Variants in TSPAN18 observed in about 807,000 individuals in gnomAD.
TSPAN18 encodes tetraspanin 18, also known as tetraspanin-18.
A neutral mutation model predicts 27.3 loss-of-function variants in TSPAN18; 14 were observed. The observed-to-expected ratio is 0.51, with a 90% CI of 0.34 to 0.80. The LOEUF is 0.80. Ranked by LOEUF, TSPAN18 falls within the 30% of genes least tolerant of loss-of-function variation. The pLI is 0.01. For missense variants in TSPAN18, 268 were observed against 323.9 expected, an observed-to-expected ratio of 0.83 and a Z score of 1.32; for synonymous variants, 143 against 136.5, an observed-to-expected ratio of 1.05 and a Z score of -0.33.
intron 2 of TSPAN18, among the ~76,000 whole-genome samples, chr11:44,784,802 A>C (rs528106604): frequency 1.3e-5 from 2 of 152,326 alleles, no homozygotes; most frequent in East Asian, 3.9e-4. Flanking sequence ...CCAATTGGGA[A>C]ATCAAGGCTC....
chr11:44,743,610 C>T (rs949736877), intron 1 of TSPAN18, among the ~76,000 whole-genome samples: 9 of 152,174 alleles, frequency 5.9e-5, no homozygotes, highest in Admixed American at 2.0e-4. Flanking sequence ...ATGTGTGCTC[C>T]GAGCTAGGAA....
chr11:44,784,461 T>C (rs570174405), intron 2 of TSPAN18, among the ~76,000 whole-genome samples: 2 of 152,310 alleles, frequency 1.3e-5, no homozygotes, highest in Admixed American at 1.3e-4. Flanking sequence ...ATGTTGAGAA[T>C]GTATTCAGGC....
chr11:44,879,210 A>G (rs1189931722), intron 3 of TSPAN18, among the ~76,000 whole-genome samples: 1 of 152,132 alleles, frequency 6.6e-6, no homozygotes, highest in Non-Finnish European at 1.5e-5. Flanking sequence ...TTAAATCAGA[A>G]ATGTGTGAAA....
chr11:44,897,652 G>A, intron 3 of TSPAN18: 2 of 660,592 alleles, frequency 3.0e-6, no homozygotes, highest in South Asian at 3.2e-5. Flanking sequence ...TGCCCCGAGT[G>A]TGTGTATCTG....
chr11:44,816,072 C>T (rs1453049246), intron 2 of TSPAN18, among the ~76,000 whole-genome samples: 4 of 146,852 alleles, frequency 2.7e-5, no homozygotes, highest in Non-Finnish European at 6.1e-5. Flanking sequence ...AGTTTATTGC[C>T]CACTCTGGGC....
At chr11:44,863,307 G>A (rs557944158) in intron 3 of TSPAN18, among the ~76,000 whole-genome samples, 1 of 152,238 alleles carries the variant, frequency 6.6e-6, no homozygotes, top group Admixed American at 6.5e-5. Flanking sequence ...TGCCAGGCAG[G>A]AAGCCAGATG....
chr11:44,736,151 A>G (rs975578795), intron 1 of TSPAN18: 2 of 152,194 alleles, frequency 1.3e-5, no homozygotes, highest in South Asian at 2.1e-4. Flanking sequence ...TCCTCTTACT[A>G]TTACAGTAGG....
At chr11:44,894,971 C>T (rs756402005) in intron 3 of TSPAN18, among the ~76,000 whole-genome samples, 3 of 152,148 alleles carry the variant, frequency 2.0e-5, no homozygotes, top group Non-Finnish European at 2.9e-5. Flanking sequence ...GGTAAATGAA[C>T]TCAGACGAGT....
chr11:44,775,228 A>T (rs957705801), intron 2 of TSPAN18, among the ~76,000 whole-genome samples: 1 of 152,200 alleles, frequency 6.6e-6, no homozygotes, highest in African/African-American at 2.4e-5. Context: ...TATTTGTTCC[A>T]TGTACTATTT....
At chr11:44,740,274 AC>A (rs1023230875) in intron 1 of TSPAN18, among the ~76,000 whole-genome samples, 2 of 151,980 alleles carry the variant, frequency 1.3e-5, no homozygotes, top group African/African-American at 4.8e-5. Flanking sequence ...TGACCGGGAG[AC>A]CCGTGGGTCA....
intron 3 of TSPAN18, among the ~76,000 whole-genome samples, chr11:44,877,745 G>A (rs1412655680): frequency 6.6e-6 from 1 of 152,194 alleles, no homozygotes; most frequent in African/African-American, 2.4e-5. Context: ...TAATTACGAA[G>A]TTAGGAGAAA....
intron 8 of TSPAN18, among the ~76,000 whole-genome samples, chr11:44,926,152 C>T (rs928143184): frequency 1.3e-5 from 2 of 152,008 alleles, no homozygotes; most frequent in South Asian, 2.1e-4. Flanking sequence ...GGGAAGTGGC[C>T]GAAAACCAAA....
At chr11:44,843,742 G>T (rs1857424528) in intron 2 of TSPAN18, among the ~76,000 whole-genome samples, 1 of 152,208 alleles carries the variant, frequency 6.6e-6, no homozygotes, top group Admixed American at 6.5e-5. Flanking sequence ...CTGAGAAAAA[G>T]AATTCAGCGA....
At chr11:44,740,730 G>A (rs544594659) in intron 1 of TSPAN18, among the ~76,000 whole-genome samples, 314 of 152,266 alleles carry the variant, frequency 2.1e-3, no homozygotes, top group Non-Finnish European at 2.7e-3. Flanking sequence ...CTGCGAGTCC[G>A]GAAAGCCTGA....
chr11:44,804,688 G>A (rs1856554476), intron 2 of TSPAN18, among the ~76,000 whole-genome samples: 1 of 152,088 alleles, frequency 6.6e-6, no homozygotes, highest in African/African-American at 2.4e-5. Flanking sequence ...TAGCTGCTGT[G>A]CTTGCAGGGG....
intron 1 of TSPAN18, among the ~76,000 whole-genome samples, chr11:44,741,445 GTA>G (rs757529515): frequency 4.4e-5 from 6 of 136,076 alleles, no homozygotes; most frequent in South Asian, 2.4e-4. Flanking sequence ...TCTCAGACAT[GTA>G]TGTGTGTGTG....
rs1554941244 is a variant in TSPAN18, at chr11:44,924,097, T to TGTGTGTG, written c.616-2577_616-2576insGTGTGTG. ...CTGCTTCTCCTGTCCCCTTCTGGGG[T>TGTGTGTG]TGTGTGTGTGTGTGTGTGTGTGTGT... On this transcript the variant is annotated intron_variant, in intron 8 of 9. Coordinates refer to ENST00000520358, the MANE Select transcript of TSPAN18 (RefSeq NM_130783.5). 2.0e-3 allele frequency among the ~76,000 whole-genome samples: 299 copies of TGTGTGTG among 145,870 alleles called. 2 individuals carry two copies. The highest frequency in any genetic ancestry group is 7.6e-3 in the African/African-American group (296 of 38,966).
At chr11:44,910,051 A>T in intron 5 of TSPAN18, 152 bp downstream of exon 5, 1 of 896,486 alleles carries the variant, frequency 1.1e-6, no homozygotes, top group African/African-American at 1.7e-5. Context: ...GGAGATGAGC[A>T]CGTCTGACCC....
chr11:44,897,766 G>T (rs1859114786), intron 3 of TSPAN18: 11 of 1,289,316 alleles, frequency 8.5e-6, no homozygotes, highest in Non-Finnish European at 1.1e-5. Context: ...GCCGATAAAA[G>T]AAATATACAC....
Sources: gnomAD v4.1 joint callset for allele counts (sites outside exome capture counted in the v4.1 genomes callset) on GRCh38, gnomAD v4.1.1 for gene constraint, MANE v1.5 for transcripts, NCBI Gene and HGNC (gene_info 2026-07-23, HGNC 2026-07-21) for gene names.